Variants in ANKS1B observed in about 807,000 individuals in gnomAD.
The protein encoded by ANKS1B is ankyrin repeat and sterile alpha motif domain-containing protein 1B.
Under a neutral mutation model 148.3 loss-of-function variants are expected in ANKS1B, and 36 were observed. The ratio of observed to expected loss-of-function variants is 0.24; its 90% CI spans 0.19 to 0.32. ANKS1B has a LOEUF of 0.32. Ranked by LOEUF, ANKS1B falls within the 10% of genes least tolerant of loss-of-function variation. The pLI is 1.00. For missense variants in ANKS1B, 1,157 were observed against 1,542.6 expected (o/e 0.75, Z 4.19); for synonymous variants, 542 against 560.8 (o/e 0.97, Z 0.47).
intron 8 of ANKS1B, among the ~76,000 whole-genome samples, chr12:99,741,909 A>G (rs901489425): frequency 2.0e-5 from 3 of 151,958 alleles, no homozygotes; most frequent in Non-Finnish European, 4.4e-5. Flanking sequence ...ATAAATAAAT[A>G]AAGCTAAATT....
At chr12:99,555,791 A>C (rs148393182) in intron 9 of ANKS1B, among the ~76,000 whole-genome samples, 7 of 152,268 alleles carry the variant, frequency 4.6e-5, no homozygotes, top group African/African-American at 1.7e-4. Context: ...CATCTACTTG[A>C]TCATGGTAGA....
intron 12 of ANKS1B, among the ~76,000 whole-genome samples, chr12:99,383,991 T>C (rs953931258): frequency 3.9e-5 from 6 of 152,050 alleles, no homozygotes; most frequent in Non-Finnish European, 8.8e-5. Flanking sequence ...ATCGTGCCAC[T>C]GAATTCCAGC....
At chr12:99,164,668 C>T (rs1259816113) in intron 14 of ANKS1B, among the ~76,000 whole-genome samples, 1 of 151,992 alleles carries the variant, frequency 6.6e-6, no homozygotes, top group Non-Finnish European at 1.5e-5. Context: ...GAATGTTTTC[C>T]TTTCTTCGTT....
chr12:99,520,745 GT>G (rs2096867335), intron 9 of ANKS1B, among the ~76,000 whole-genome samples: 1 of 151,894 alleles, frequency 6.6e-6, no homozygotes, highest in African/African-American at 2.4e-5. Context: ...GCGCTTTATT[GT>G]TTTTTGTTGT....
At chr12:99,584,692 G>A (rs1057501500) in intron 9 of ANKS1B, among the ~76,000 whole-genome samples, 1 of 152,140 alleles carries the variant, frequency 6.6e-6, no homozygotes, top group Non-Finnish European at 1.5e-5. Flanking sequence ...CAGTTCCACA[G>A]GGGTGTGGAG....
At chr12:99,059,581 AT>A (rs2041633699) in intron 16 of ANKS1B, among the ~76,000 whole-genome samples, 1 of 152,098 alleles carries the variant, frequency 6.6e-6, no homozygotes, top group African/African-American at 2.4e-5. Flanking sequence ...ACTTGATTCT[AT>A]TAGCCATGTA....
At chr12:99,620,237 A>G (rs1325203555) in intron 9 of ANKS1B, among the ~76,000 whole-genome samples, 1 of 152,192 alleles carries the variant, frequency 6.6e-6, no homozygotes, top group East Asian at 1.9e-4. Context: ...GAAAAAAAGA[A>G]GAGAAAATCC....
chr12:99,920,055 C>T (rs1449874307), intron 1 of ANKS1B, among the ~76,000 whole-genome samples: 2 of 152,064 alleles, frequency 1.3e-5, no homozygotes, highest in East Asian at 3.9e-4. Context: ...ATGTAGAGTC[C>T]TCATTCTTAG....
At chr12:99,842,584 G>A (rs375546882) in intron 1 of ANKS1B, among the ~76,000 whole-genome samples, 4 of 151,996 alleles carry the variant, frequency 2.6e-5, no homozygotes, top group Admixed American at 1.3e-4. Context: ...TAGACTTTTC[G>A]AAGTTGGTTT....
intron 17 of ANKS1B, among the ~76,000 whole-genome samples, chr12:98,972,440 TCTC>T (rs2099884018): frequency 6.6e-6 from 1 of 152,188 alleles, no homozygotes; most frequent in African/African-American, 2.4e-5. Flanking sequence ...CTCGTTTAAC[TCTC>T]TTAACACCAT....
rs1225887351 is a variant in ANKS1B, at chr12:98,894,930, C to A, written c.2779-62794G>T. 54 of 897,252 alleles carry A rather than the reference C, an allele frequency of 6.0e-5. No homozygotes were observed. The African/African-American group carries it at 7.5e-4, about 12-fold the overall frequency. The allele number at this position is 897,252 out of a possible 1,614,324, so 55.6% of individuals were successfully genotyped here. ...CCCCCCGCGCGGCGCGTGCCCCCCA[C>A]CCCCCGCCGCGCGCCCTCGCACCCG... is the stretch of plus-strand genomic sequence containing the variant. On this transcript the variant is annotated intron_variant, in intron 17 of 26. Coordinates refer to ENST00000683438, the MANE Select transcript of ANKS1B (RefSeq NM_001352186.2).
At chr12:99,579,773 T>A (rs545021608) in intron 9 of ANKS1B, among the ~76,000 whole-genome samples, 2 of 152,124 alleles carry the variant, frequency 1.3e-5, no homozygotes, top group African/African-American at 4.8e-5. Flanking sequence ...AGTCCACCCA[T>A]AGCAGAAAGC....
At chr12:99,292,701 G>A (rs1480686643) in intron 12 of ANKS1B, among the ~76,000 whole-genome samples, 1 of 152,116 alleles carries the variant, frequency 6.6e-6, no homozygotes, top group Non-Finnish European at 1.5e-5. Context: ...TATGTGAACA[G>A]ACACTTCTCA....
chr12:99,600,835 C>T lies in ANKS1B; in HGVS notation c.1272+54232G>A, dbSNP rs151039554. On this transcript the variant is annotated intron_variant, in intron 9 of 26. Transcript: ENST00000683438. Reference sequence around the variant, plus strand: ...TACATCTCCAACACTATTTTTATCTCTTTTGTTTTCCAAGTACAAAATGTT... The same window carrying T: ...TACATCTCCAACACTATTTTTATCTTTTTTGTTTTCCAAGTACAAAATGTT... 1.3e-3 allele frequency among the ~76,000 whole-genome samples: 194 copies of T among 152,206 alleles called. 1 individual carries two copies. The highest frequency in any genetic ancestry group is 4.1e-3 in the African/African-American group (170 of 41,546).
At chr12:99,415,484 C>T (rs560400968) in intron 11 of ANKS1B, among the ~76,000 whole-genome samples, 1 of 152,306 alleles carries the variant, frequency 6.6e-6, no homozygotes, top group East Asian at 1.9e-4. Context: ...AAGGTGCACA[C>T]TGCTTTTTAA....
chr12:98,831,958 G>A (rs2099320427), intron 18 of ANKS1B, 71 bp downstream of exon 18: 1 of 1,401,860 alleles, frequency 7.1e-7, no homozygotes. Context: ...CACCATGTTG[G>A]CCAGGCTGGT....
intron 12 of ANKS1B, among the ~76,000 whole-genome samples, chr12:99,371,791 C>A (rs148078855): frequency 1.3e-5 from 2 of 152,088 alleles, no homozygotes; most frequent in Admixed American, 1.3e-4. Context: ...AAAATATTTT[C>A]TTTCCACTTA....
chr12:98,852,905 A>C (rs61933620), intron 17 of ANKS1B, among the ~76,000 whole-genome samples: 22,589 of 152,242 alleles, frequency 0.15, 2,226 homozygotes, highest in East Asian at 0.24. Context: ...GATACTCCAA[A>C]TCTGTCTTCC....
At chr12:99,313,043 A>G (rs1688405046) in intron 12 of ANKS1B, among the ~76,000 whole-genome samples, 1 of 152,156 alleles carries the variant, frequency 6.6e-6, no homozygotes, top group Non-Finnish European at 1.5e-5. Flanking sequence ...AATAAGGAAG[A>G]AAAAAGAGAA....
Sources: gnomAD v4.1 joint callset for allele counts (sites outside exome capture counted in the v4.1 genomes callset) on GRCh38, gnomAD v4.1.1 for gene constraint, MANE v1.5 for transcripts, NCBI Gene and HGNC (gene_info 2026-07-23, HGNC 2026-07-21) for gene names.